The following PARD3 variants were observed in gnomAD, a reference collection of about 807,000 sequenced individuals.
PARD3 encodes the protein par-3 family cell polarity regulator.
In PARD3, 75 loss-of-function variants were observed where a neutral mutation model predicts 155.4. The observed-to-expected ratio is 0.48, with a 90% confidence interval of 0.40 to 0.58. The LOEUF is 0.58. PARD3 is among the 20% of genes least tolerant of loss of function. PARD3 has a pLI of 0.00. For synonymous variants in PARD3, 576 were observed against 610.5 expected (o/e 0.94, Z 0.83); for missense variants, 1,642 against 1,721.7 (o/e 0.95, Z 0.82).
intron 3 of PARD3, among the ~76,000 whole-genome samples, chr10:34,482,239 T>C (rs2079132266): frequency 6.6e-6 from 1 of 151,968 alleles, no homozygotes; most frequent in Non-Finnish European, 1.5e-5. Context: ...CTCACTTCGT[T>C]GTCTAAGCTG....
In PARD3 at chr10:34,267,657, G is replaced by C. The variant is rs147465405; in HGVS notation, c.3419+2000C>G. 5.5e-3 allele frequency among the ~76,000 whole-genome samples: 837 copies of C among 152,238 alleles called. 5 individuals are homozygous for C. The highest frequency in any genetic ancestry group is 0.019 in the African/African-American group (790 of 41,526). ...TGCAAACCTCTATTAAAAACAACTG[G>C]AAGTAGGTAAAATAGAAACTGGGTG... On this transcript the variant is annotated intron_variant, in intron 22 of 24. Coordinates refer to ENST00000374788, the MANE Select transcript of PARD3 (RefSeq NM_001184785.2).
At chr10:34,172,770 A>C (rs1292793242) in intron 22 of PARD3, among the ~76,000 whole-genome samples, 1 of 144,154 alleles carries the variant, frequency 6.9e-6, no homozygotes, top group East Asian at 2.0e-4. Flanking sequence ...ACAAAAAAAA[A>C]ACCCACCCAA....
At chr10:34,191,738 T>G (rs1464942396) in intron 22 of PARD3, among the ~76,000 whole-genome samples, 1 of 152,252 alleles carries the variant, frequency 6.6e-6, no homozygotes, top group East Asian at 1.9e-4. Context: ...CTGGCCCCGC[T>G]GAAGAGACAG....
At chr10:34,230,121 A>G (rs1038286399) in intron 22 of PARD3, among the ~76,000 whole-genome samples, 5 of 152,158 alleles carry the variant, frequency 3.3e-5, no homozygotes. Context: ...AGCTGAGGAA[A>G]CAATGTGGCC....
chr10:34,710,646 C>T (rs933900527), intron 1 of PARD3, among the ~76,000 whole-genome samples: 7 of 152,128 alleles, frequency 4.6e-5, no homozygotes, highest in East Asian at 3.9e-4. Flanking sequence ...CATCCCAAGC[C>T]GGTTTGTGAC....
In PARD3 at chr10:34,119,656, C is replaced by A; in HGVS notation, c.3625G>T (p.Glu1209Ter). Residue 1209 changes from glutamate to a stop codon, truncating the protein, a stop_gained, in exon 24 of 25, where the codon GAG (glutamate) becomes TAG (stop). Coordinates refer to ENST00000374788, the MANE Select transcript of PARD3 (RefSeq NM_001184785.2). LOFTEE classifies it high-confidence loss of function. ...QMQRQRQEERESSQQAQRQYS... is the reference protein window; with the variant it reads ...QMQRQRQEER ...TGGCGCTGGGCCTGCTGGGAGCTCT[C>A]GCGCTCCTCCTGCCGCTGCCGCTGC... The A allele has an allele frequency of 6.2e-7, 1 of 1,610,528 alleles. No homozygotes were observed. Among genetic ancestry groups the A allele is most frequent in the Non-Finnish European group, 8.5e-7 (1 of 1,178,874 alleles).
chr10:34,697,766 A>AACACAC (rs377094946), intron 1 of PARD3, among the ~76,000 whole-genome samples: 6,742 of 146,460 alleles, frequency 0.046, 163 homozygotes, highest in African/African-American at 0.061. Flanking sequence ...TTGTAAAACA[A>AACACAC]ACACTCACAC....
intron 15 of PARD3, among the ~76,000 whole-genome samples, chr10:34,346,899 T>G (rs1837489065): frequency 1.3e-5 from 2 of 152,220 alleles, no homozygotes; most frequent in Admixed American, 1.3e-4. Context: ...CTAGACATGT[T>G]TATGTATGTT....
chr10:34,776,551 ATT>A (rs753285825), intron 1 of PARD3, among the ~76,000 whole-genome samples: 21 of 142,870 alleles, frequency 1.5e-4, no homozygotes, highest in African/African-American at 7.6e-5. Flanking sequence ...TTCTTGAACA[ATT>A]TTTTTTTTTT....
intron 22 of PARD3, among the ~76,000 whole-genome samples, chr10:34,151,640 A>T (rs1179971272): frequency 1.3e-5 from 2 of 152,218 alleles, no homozygotes; most frequent in African/African-American, 2.4e-5. Context: ...CTGATGTTAT[A>T]AAGGGTTGAA....
intron 2 of PARD3, among the ~76,000 whole-genome samples, chr10:34,554,017 G>A (rs904829378): frequency 6.6e-6 from 1 of 152,208 alleles, no homozygotes; most frequent in Admixed American, 6.5e-5. Flanking sequence ...TGTGCTTTAA[G>A]TTAATGTTGA....
At chr10:34,291,448 G>A (rs2133970426) in intron 20 of PARD3, among the ~76,000 whole-genome samples, 1 of 152,270 alleles carries the variant, frequency 6.6e-6, no homozygotes, top group African/African-American at 2.4e-5. Flanking sequence ...CTTGTTGAAT[G>A]TTCTTTTGAT....
At chr10:34,241,731 G>A (rs960509343) in intron 22 of PARD3, among the ~76,000 whole-genome samples, 1 of 152,112 alleles carries the variant, frequency 6.6e-6, no homozygotes, top group African/African-American at 2.4e-5. Context: ...GGAGTAATAG[G>A]GAGGACATGG....
intron 1 of PARD3, among the ~76,000 whole-genome samples, chr10:34,707,859 C>T (rs1365925827): frequency 6.6e-5 from 10 of 152,176 alleles, no homozygotes; most frequent in Non-Finnish European, 1.2e-4. Context: ...CTTCAAACAT[C>T]CACCTCTCAC....
chr10:34,653,584 A>G (rs1318870159), intron 2 of PARD3, among the ~76,000 whole-genome samples: 1 of 152,150 alleles, frequency 6.6e-6, no homozygotes, highest in Non-Finnish European at 1.5e-5. Context: ...TGCAAGGTAA[A>G]GAGGAAAAGA....
At chr10:34,813,709 A>G (rs943782947) in intron 1 of PARD3, among the ~76,000 whole-genome samples, 6 of 152,222 alleles carry the variant, frequency 3.9e-5, no homozygotes, top group Non-Finnish European at 8.8e-5. Context: ...TGAAGATGCC[A>G]CCGGAGTACC....
intron 22 of PARD3, among the ~76,000 whole-genome samples, chr10:34,255,207 T>C (rs1343608989): frequency 6.6e-6 from 1 of 151,806 alleles, no homozygotes; most frequent in Non-Finnish European, 1.5e-5. Flanking sequence ...AAACCCTCAT[T>C]CCTCAAGACA....
At chr10:34,617,599 T>G (rs2091345703) in intron 2 of PARD3, among the ~76,000 whole-genome samples, 1 of 152,216 alleles carries the variant, frequency 6.6e-6, no homozygotes, top group Non-Finnish European at 1.5e-5. Flanking sequence ...ATGTATAATT[T>G]TTGTCAAAAA....
intron 3 of PARD3, among the ~76,000 whole-genome samples, chr10:34,510,604 T>C (rs777440401): frequency 3.3e-4 from 51 of 152,286 alleles, no homozygotes; most frequent in Admixed American, 2.2e-3. Context: ...TTCGGTGCTA[T>C]ATGGAGTGGG....
Sources: gnomAD v4.1 joint callset for allele counts (sites outside exome capture counted in the v4.1 genomes callset) on GRCh38, gnomAD v4.1.1 for gene constraint, MANE v1.5 for transcripts, NCBI Gene and HGNC (gene_info 2026-07-23, HGNC 2026-07-21) for gene names.